PCK2: variants seen among roughly 807,000 people sequenced by gnomAD.
The protein encoded by PCK2 is phosphoenolpyruvate carboxykinase 2, mitochondrial, also known as phosphoenolpyruvate carboxykinase [GTP], mitochondrial.
PCK2 carries 56 observed loss-of-function variants against 65.9 expected under a neutral mutation model. That is an observed-to-expected ratio of 0.85 (90% CI 0.69 to 1.06). The LOEUF (loss-of-function observed/expected upper bound fraction) is 1.06, where lower values mean the gene tolerates loss of function less well. PCK2 is among the 50% of genes least tolerant of loss of function. The pLI is 0.00. For synonymous variants in PCK2, 305 were observed against 319.6 expected (o/e 0.95, Z 0.49); for missense variants, 843 against 863.1 (o/e 0.98, Z 0.29).
chr14:24,095,430 T>C (rs2036825361), intron 1 of PCK2: 1 of 351,530 alleles, frequency 2.8e-6, no homozygotes, highest in African/African-American at 2.1e-5. Flanking sequence ...TCATCTATCC[T>C]GCTTTAGCGG....
In PCK2 at chr14:24,095,334, C is replaced by G. The variant is rs1028020818; in HGVS notation, c.29+900C>G. 77 of 424,206 alleles carry G rather than the reference C, an allele frequency of 1.8e-4. 1 individual carries two copies. The highest frequency in any genetic ancestry group is 3.1e-4 in the Non-Finnish European group (64 of 208,334). 26.3% of individuals were successfully genotyped at this position (424,206 alleles called of 1,614,324 possible). A position where few individuals can be genotyped will look rare whatever the true frequency, so the allele number is the denominator to read the frequency against. ...GTCCTCAAGACTGTGTGCTTGAAAA[C>G]TGATGCTCACGGAGAACTTCCCTCT... On this transcript the variant is annotated intron_variant, in intron 1 of 9. Coordinates refer to ENST00000216780, the MANE Select transcript of PCK2 (RefSeq NM_004563.4).
rs1594312955 is a variant in PCK2, at chr14:24,103,423, T to G, written c.1469-87T>G. The G allele has an allele frequency of 2.3e-6, 3 of 1,298,382 alleles. No individual in the cohort carries two copies. The East Asian group carries it at 7.0e-5, about 30-fold the overall frequency. The allele number at this position is 1,298,382 out of a possible 1,614,324, so 80.4% of individuals were successfully genotyped here. Reference sequence around the variant, plus strand: ...TGAAGATATTCAGAACCATAAGCCTTTCACAGCTTCCTCCAACTGGATGCA... The same window carrying G: ...TGAAGATATTCAGAACCATAAGCCTGTCACAGCTTCCTCCAACTGGATGCA... On this transcript the variant is annotated intron_variant, in intron 9 of 9. Coordinates refer to ENST00000216780, the MANE Select transcript of PCK2 (RefSeq NM_004563.4).
In PCK2 at chr14:24,094,351, T is replaced by C. The variant is rs2036752587; in HGVS notation, c.-55T>C. 6.7e-7 allele frequency: 1 copy of C among 1,499,670 alleles called. No individual in the cohort carries two copies. Among genetic ancestry groups the C allele is most frequent in the Non-Finnish European group, 9.0e-7 (1 of 1,113,684 alleles). The allele number at this position is 1,499,670 out of a possible 1,614,324, so 92.9% of individuals were successfully genotyped here. A position where few individuals can be genotyped will look rare whatever the true frequency, so the allele number is the denominator to read the frequency against. ...GCGCTCCCTCCTTCCCCGCCTTCCA[T>C]ACCTCCCCGGCTCCGCTCGGTTCCT... On this transcript the variant is annotated 5_prime_UTR_variant, in exon 1 of 10. Transcript: ENST00000216780. The surrounding 1 kb of genome is among the most constrained non-coding windows in gnomAD (Gnocchi z 4.1).
chr14:24,103,308 C>T, intron 9 of PCK2, 53 bp downstream of exon 9: 3 of 1,427,926 alleles, frequency 2.1e-6, no homozygotes, highest in South Asian at 1.2e-5. Flanking sequence ...AGCACGTCCT[C>T]TCTCCCTTCC....
Position 24,094,891 on chromosome 14 carries a change from T to C in PCK2, c.29+457T>C, listed in dbSNP as rs1042616265. 1.6e-6 allele frequency: 2 copies of C among 1,255,778 alleles called. No homozygotes were observed. 77.8% of individuals were successfully genotyped at this position (1,255,778 alleles called of 1,614,324 possible). A position where few individuals can be genotyped will look rare whatever the true frequency, so the allele number is the denominator to read the frequency against. ...TAAGCTCAGAGCCCCCTAAAGAAGGTGGAAGGTTAAATATCCATTCCCGGC... is the reference window on the plus strand; with the variant it reads ...TAAGCTCAGAGCCCCCTAAAGAAGGCGGAAGGTTAAATATCCATTCCCGGC... On this transcript the variant is annotated intron_variant, in intron 1 of 9. Coordinates refer to ENST00000216780, the MANE Select transcript of PCK2 (RefSeq NM_004563.4). The surrounding 1 kb of genome is among the most constrained non-coding windows in gnomAD (Gnocchi z 4.1).
chr14:24,096,228 C>CTTTTTTTTT (rs34592767), intron 1 of PCK2, among the ~76,000 whole-genome samples: 2 of 58,848 alleles, frequency 3.4e-5, no homozygotes, highest in Non-Finnish European at 5.7e-5. Context: ...CTACTCATTT[C>CTTTTTTTTT]TTTTTTTTTT....
chr14:24,103,744 C>G lies in PCK2; in HGVS notation c.1703C>G (p.Ala568Gly), dbSNP rs748721577. The G allele has an allele frequency of 1.1e-5, 18 of 1,614,172 alleles. No homozygotes were observed. The highest frequency in any genetic ancestry group is 1.4e-5 in the Non-Finnish European group (17 of 1,180,026). ...CGGCGGTTAGAGGGGGAGGACAGTG[C>G]CCGAGAGACACCCATTGGGCTGGTG... The part of the protein sequence containing the change: ...ICRRLEGEDS[A>G]RETPIGLVPK... The change falls in exon 10 of 10, where the codon GCC (alanine) becomes GGC (glycine). Residue 568 changes from alanine (A) to glycine (G), a missense_variant. Coordinates refer to ENST00000216780, the MANE Select transcript of PCK2 (RefSeq NM_004563.4).
intron 7 of PCK2, among the ~76,000 whole-genome samples, chr14:24,101,720 C>T (rs904842689): frequency 6.6e-6 from 1 of 152,024 alleles, no homozygotes; most frequent in Non-Finnish European, 1.5e-5. Flanking sequence ...GTCAGGAGTT[C>T]GAGACCAGCC....
At chr14:24,102,716 A>G (rs770241923) in intron 7 of PCK2, 37 bp from the exon 8 acceptor site, 57 of 1,591,882 alleles carry the variant, frequency 3.6e-5, no homozygotes, top group Non-Finnish European at 4.9e-5. Flanking sequence ...GGTCGACATG[A>G]CCTTGGAAAT....
chr14:24,097,171 T>G, intron 2 of PCK2, 34 bp downstream of exon 2: 1 of 1,603,452 alleles, frequency 6.2e-7, no homozygotes, highest in Non-Finnish European at 8.5e-7. Context: ...GCAGGATAGG[T>G]GCACTGAGGC....
chr14:24,099,854 C>T (rs2037084775), intron 6 of PCK2, 134 bp downstream of exon 6: 2 of 1,552,198 alleles, frequency 1.3e-6, no homozygotes, highest in African/African-American at 2.7e-5. Flanking sequence ...CCTCTGGCAG[C>T]CCAGCCACCC....
rs751739241 is a variant in PCK2, at chr14:24,100,108, A to C, written c.1129A>C (p.Asn377His). 6.2e-7 allele frequency: 1 copy of C among 1,612,708 alleles called. No individual in the cohort carries two copies. The highest frequency in any genetic ancestry group is 8.5e-7 in the Non-Finnish European group (1 of 1,179,236). The change falls in exon 7 of 10, where the codon AAT becomes CAT. Residue 377 changes from asparagine to histidine, a missense_variant. By Grantham distance (68) the Asn-to-His change is moderately conservative. Coordinates refer to ENST00000216780, the MANE Select transcript of PCK2 (RefSeq NM_004563.4). Reference protein sequence around the residue: ...ATIQSNTIFTNVAETSDGGVY... With the variant: ...ATIQSNTIFTHVAETSDGGVY... ...AATCCAGAGTAACACTATTTTTACC[A>C]ATGTGGCTGAGACCAGTGATGGTGG... is the stretch of plus-strand genomic sequence containing the variant.
At position 24,103,986 on chromosome 14, in the gene PCK2, G is replaced by A. The variant is rs1342769136; in HGVS notation, c.*22G>A. On this transcript the variant is annotated 3_prime_UTR_variant, in exon 10 of 10. Transcript: ENST00000216780. Reference sequence around the variant, plus strand: ...GTGACCTGAGGCCCTAGTCTAGCAAGAGGACATAGCACCCTCATCTGGGAA... The same window carrying A: ...GTGACCTGAGGCCCTAGTCTAGCAAAAGGACATAGCACCCTCATCTGGGAA... 1 of 1,573,934 alleles carries A rather than the reference G, an allele frequency of 6.4e-7. No homozygotes were observed. Among genetic ancestry groups the A allele is most frequent in the Non-Finnish European group, 8.7e-7 (1 of 1,144,180 alleles).
intron 7 of PCK2, 61 bp from the exon 8 acceptor site, chr14:24,102,692 A>G (rs781577564): frequency 1.9e-4 from 266 of 1,399,644 alleles, no homozygotes; most frequent in Non-Finnish European, 2.6e-4. Context: ...GTGCCCATGT[A>G]TGTGTGTGTT....
chr14:24,096,816 C>G (rs1282370533), intron 1 of PCK2, 76 bp from the exon 2 acceptor site: 2 of 1,355,800 alleles, frequency 1.5e-6, no homozygotes, highest in Admixed American at 3.5e-5. Flanking sequence ...GCAGCCCAAG[C>G]TTTCTGTCTC....
At chr14:24,100,264 A>G (rs1246342585) in intron 7 of PCK2, 51 bp downstream of exon 7, 2 of 1,597,516 alleles carry the variant, frequency 1.3e-6, no homozygotes, top group Admixed American at 3.6e-5. Context: ...CAGCACCTTA[A>G]TGGTGGAAAA....
In PCK2 at chr14:24,094,422, G is replaced by A. The variant is rs1490263802; in HGVS notation, c.17G>A (p.Arg6His). The change falls in exon 1 of 10, where the codon CGC becomes CAC. Residue 6 changes from arginine to histidine, a missense_variant. Arg to His is a conservative substitution (Grantham distance 29, BLOSUM62 0). Transcript: ENST00000216780. The surrounding 1 kb of genome is among the most constrained non-coding windows in gnomAD (Gnocchi z 4.1). ...CCAGGTGCCATGGCCGCATTGTACC[G>A]CCCTGGCCTGCGGTGAGTGACCCCC... MAALY[R>H]PGLRLNWHGL... 5 of 1,556,580 alleles carry A rather than the reference G, an allele frequency of 3.2e-6. No individual in the cohort carries two copies. Among genetic ancestry groups the A allele is most frequent in the East Asian group, 2.4e-5 (1 of 41,150 alleles).
chr14:24,096,953 C>CTTAGTG lies in PCK2; in HGVS notation c.91_92insTTAGTG (p.Arg31delinsLeuSerGly). On this transcript the variant is annotated protein_altering_variant, in exon 2 of 10. Coordinates refer to ENST00000216780, the MANE Select transcript of PCK2 (RefSeq NM_004563.4). Reference sequence around the variant, plus strand: ...ATCATGCCGTAGCATCCAGACCCTGCGAGTGCTTAGTGGAGATCTGGGCCA... The same window carrying CTTAGTG: ...ATCATGCCGTAGCATCCAGACCCTGCTTAGTGGAGTGCTTAGTGGAGATCTGGGCCA... The CTTAGTG allele has an allele frequency of 6.2e-7, 1 of 1,613,322 alleles. No homozygotes were observed. Among genetic ancestry groups the CTTAGTG allele is most frequent in the East Asian group, 2.2e-5 (1 of 44,884 alleles).
chr14:24,098,694 G>T lies in PCK2; in HGVS notation c.664+16G>T. ...ACAGGACAAGGTAAGCACCTGCTCT[G>T]CCCCAAGGGGAACACAGAGGCCTTC... On this transcript the variant is annotated intron_variant, in intron 4 of 9. Coordinates refer to ENST00000216780, the MANE Select transcript of PCK2 (RefSeq NM_004563.4). The T allele has an allele frequency of 6.2e-7, 1 of 1,606,632 alleles. No individual in the cohort carries two copies. Among genetic ancestry groups the T allele is most frequent in the East Asian group, 2.2e-5 (1 of 44,832 alleles).
Sources: allele counts gnomAD v4.1 joint callset (sites outside exome capture counted in the v4.1 genomes callset), GRCh38; gene constraint gnomAD v4.1.1; non-coding constraint Gnocchi (gnomAD v3.1); transcripts MANE v1.5; gene names NCBI Gene and HGNC (gene_info 2026-07-23, HGNC 2026-07-21).